ZNF347: variants seen among roughly 807,000 people sequenced by gnomAD.
ZNF347 encodes CTD-2620I22.7.
Under a neutral mutation model 12.9 loss-of-function variants are expected in ZNF347, and 19 were observed. That is an observed-to-expected ratio of 1.47 (90% CI 1.03 to 2.16). The LOEUF is 2.16. Ranked by LOEUF, ZNF347 falls within the 30% of genes most tolerant of loss-of-function variation. The pLI is 0.00. For missense variants in ZNF347, 1,005 were observed against 990.6 expected (o/e 1.01, Z -0.19); for synonymous variants, 328 against 340.6 (o/e 0.96, Z 0.41).
At chr19:53,147,681 C>G (rs571681740) in intron 4 of ZNF347, among the ~76,000 whole-genome samples, 2 of 152,098 alleles carry the variant, frequency 1.3e-5, no homozygotes, top group African/African-American at 4.8e-5. Flanking sequence ...ATCAGACCAG[C>G]ATTACCCTGA....
intron 1 of ZNF347, among the ~76,000 whole-genome samples, chr19:53,155,234 G>T (rs1175288038): frequency 2.6e-5 from 4 of 151,440 alleles, no homozygotes; most frequent in Admixed American, 2.6e-4. Flanking sequence ...CACCGTGCCT[G>T]GCCAATTTAG....
At chr19:53,158,381 C>T (rs1045584173) in intron 1 of ZNF347, among the ~76,000 whole-genome samples, 1 of 152,132 alleles carries the variant, frequency 6.6e-6, no homozygotes, top group Admixed American at 6.5e-5. Flanking sequence ...CAGGGGCCGA[C>T]GAGGGCGAGG....
chr19:53,154,865 T>C (rs1275444061), intron 1 of ZNF347, among the ~76,000 whole-genome samples: 3 of 150,692 alleles, frequency 2.0e-5, no homozygotes, highest in Admixed American at 6.6e-5. Flanking sequence ...AAAAAAAAAA[T>C]TGTAGTGTAT....
chr19:53,140,273 A>G lies in ZNF347; in HGVS notation c.*35T>C, dbSNP rs764547259. On this transcript the variant is annotated 3_prime_UTR_variant, in exon 5 of 5. Coordinates refer to ENST00000334197, the MANE Select transcript of ZNF347 (RefSeq NM_032584.3). ...GTCAAAGGAATGAATTCTAACTGCA[A>G]AAGTTACCACCTTCATTTGTAAGGT... 2.0e-6 allele frequency: 3 copies of G among 1,512,628 alleles called. No homozygotes were observed. The highest frequency in any genetic ancestry group is 1.4e-5 in the African/African-American group (1 of 71,588). 93.7% of individuals were successfully genotyped at this position (1,512,628 alleles called of 1,614,324 possible). A position where few individuals can be genotyped will look rare whatever the true frequency, so the allele number is the denominator to read the frequency against.
rs1473145689 is a variant in ZNF347 at position 53,140,267 on chromosome 19, AC to A, written c.*40del. The A allele has an allele frequency of 6.7e-7, 1 of 1,499,418 alleles. No homozygotes were observed. The highest frequency in any genetic ancestry group is 8.9e-7 in the Non-Finnish European group (1 of 1,119,024). 92.9% of individuals were successfully genotyped at this position (1,499,418 alleles called of 1,614,324 possible). On this transcript the variant is annotated 3_prime_UTR_variant, in exon 5 of 5. Transcript: ENST00000334197. ...GACGTTGTCAAAGGAATGAATTCTA[AC>A]TGCAAAAGTTACCACCTTCATTTGT... is the stretch of plus-strand genomic sequence containing the variant.
At chr19:53,156,556 C>T (rs888841023) in intron 1 of ZNF347, among the ~76,000 whole-genome samples, 2 of 152,168 alleles carry the variant, frequency 1.3e-5, no homozygotes, top group Admixed American at 6.5e-5. Context: ...AACCCCTCCT[C>T]GGCTTTGATT....
At chr19:53,144,303 T>C (rs1246619158) in intron 4 of ZNF347, among the ~76,000 whole-genome samples, 1 of 152,010 alleles carries the variant, frequency 6.6e-6, no homozygotes, top group Non-Finnish European at 1.5e-5. Context: ...TTCATGGAAC[T>C]AGAAATCAAA....
At chr19:53,156,045 CGG>C (rs34037433) in intron 1 of ZNF347, among the ~76,000 whole-genome samples, 1,428 of 16,998 alleles carry the variant, frequency 0.084, 137 homozygotes, top group African/African-American at 0.19. Flanking sequence ...ACTCCCAGCT[CGG>C]GGGGGGGGGG....
chr19:53,148,610 C>A (rs1315798105), intron 4 of ZNF347, 71 bp downstream of exon 4: 1 of 1,511,262 alleles, frequency 6.6e-7, no homozygotes, highest in Admixed American at 2.1e-5. Flanking sequence ...CCACAGAACT[C>A]TCAGATTTGC....
chr19:53,149,366 C>T lies in ZNF347; in HGVS notation c.17G>A (p.Gly6Glu). ...AGCCACATCCCTGAATGTCACCTGT[C>T]CCTAAAATGAAAAACACATCCACCA... MALTQ[G>E]QVTFRDVAIE... is the part of the protein sequence containing the mutation. Residue 6 changes from glycine (G) to glutamate (E), a missense_variant and splice_region_variant, in exon 3 of 5, where the codon GGA (glycine) becomes GAA (glutamate). By Grantham distance (98) the Gly-to-Glu change is moderately conservative. Transcript: ENST00000334197. 9 of 1,613,662 alleles carry T rather than the reference C, an allele frequency of 5.6e-6. No individual in the cohort carries two copies. Among genetic ancestry groups the T allele is most frequent in the Non-Finnish European group, 7.6e-6 (9 of 1,179,762 alleles).
chr19:53,151,288 C>A (rs1313214551), intron 2 of ZNF347, among the ~76,000 whole-genome samples: 1 of 152,040 alleles, frequency 6.6e-6, no homozygotes, highest in Non-Finnish European at 1.5e-5. Context: ...ATAATCCCAG[C>A]ACTTTGGAAG....
chr19:53,154,130 T>C (rs958714172), intron 1 of ZNF347, among the ~76,000 whole-genome samples: 8 of 152,018 alleles, frequency 5.3e-5, no homozygotes, highest in African/African-American at 1.4e-4. Context: ...CCAAACCCCA[T>C]GCAGAGAACA....
In ZNF347 at chr19:53,140,672, C is replaced by A; in HGVS notation, c.2156G>T (p.Ser719Ile). 2 of 1,613,606 alleles carry A rather than the reference C, an allele frequency of 1.2e-6. No individual in the cohort carries two copies. The highest frequency in any genetic ancestry group is 1.7e-6 in the Non-Finnish European group (2 of 1,179,952). The change falls in exon 5 of 5, where the codon AGT becomes ATT. Residue 719 changes from serine to isoleucine, a missense_variant. Ser to Ile is a moderately radical substitution (Grantham distance 142). Coordinates refer to ENST00000334197, the MANE Select transcript of ZNF347 (RefSeq NM_032584.3). ...YECNQCGKAF[S>I]VRSSLTTHQA... is the part of the protein sequence containing the mutation. Reference sequence around the variant, plus strand: ...ATGGGTAGTTAGGCTTGAACGGACACTAAAGGCTTTCCCACACTGATTACA... The same window carrying A: ...ATGGGTAGTTAGGCTTGAACGGACAATAAAGGCTTTCCCACACTGATTACA...
At chr19:53,156,781 C>G (rs1201904402) in intron 1 of ZNF347, among the ~76,000 whole-genome samples, 1 of 152,188 alleles carries the variant, frequency 6.6e-6, no homozygotes, top group Non-Finnish European at 1.5e-5. Context: ...GGGAGACTTA[C>G]AACTGGCACC....
intron 2 of ZNF347, 38 bp from the exon 3 acceptor site, chr19:53,149,405 A>G: frequency 6.2e-7 from 1 of 1,611,778 alleles, no homozygotes. Context: ...GGATATAAGG[A>G]AAAGCTCCAA....
At chr19:53,144,784 T>C (rs561020263) in intron 4 of ZNF347, among the ~76,000 whole-genome samples, 1 of 152,224 alleles carries the variant, frequency 6.6e-6, no homozygotes, top group East Asian at 1.9e-4. Flanking sequence ...TACAGGTATG[T>C]TCCATGCCCT....
chr19:53,140,387 C>G lies in ZNF347; in HGVS notation c.2441G>C (p.Gly814Ala). 6.2e-7 allele frequency: 1 copy of G among 1,610,172 alleles called. No homozygotes were observed. The highest frequency in any genetic ancestry group is 1.7e-5 in the Admixed American group (1 of 59,292). ...SLTTHQTIHT[G>A]GKPYKCNVWK... is the part of the protein sequence containing the mutation. ...CACGTTACATTTGTAAGGTTTCCCA[C>G]CAGTATGGATTGTCTGATGGGTAGT... The change falls in exon 5 of 5, where the codon GGT (glycine) becomes GCT (alanine). Residue 814 changes from glycine (G) to alanine (A), a missense_variant. Transcript: ENST00000334197.
At chr19:53,147,342 T>C (rs1306116779) in intron 4 of ZNF347, among the ~76,000 whole-genome samples, 1 of 152,016 alleles carries the variant, frequency 6.6e-6, no homozygotes, top group East Asian at 1.9e-4. Context: ...GCCACTGCAT[T>C]CCAGCCTGGA....
At chr19:53,147,751 T>C (rs2090472611) in intron 4 of ZNF347, among the ~76,000 whole-genome samples, 1 of 152,184 alleles carries the variant, frequency 6.6e-6, no homozygotes, top group African/African-American at 2.4e-5. Context: ...CTACCCCTGA[T>C]GAATATACAT....
Sources: allele counts gnomAD v4.1 joint callset (sites outside exome capture counted in the v4.1 genomes callset), GRCh38; gene constraint gnomAD v4.1.1; transcripts MANE v1.5; gene names NCBI Gene and HGNC (gene_info 2026-07-23, HGNC 2026-07-21).